Variants in RBFOX1 observed in about 807,000 individuals in gnomAD.
RBFOX1 encodes RNA binding protein fox-1 homolog 1.
In RBFOX1, 8 loss-of-function variants were observed where a neutral mutation model predicts 57.7. That is an observed-to-expected ratio of 0.14 (90% CI 0.08 to 0.25). The LOEUF (loss-of-function observed/expected upper bound fraction) is 0.25. Ranked by LOEUF, RBFOX1 falls within the 10% of genes least tolerant of loss-of-function variation. The probability of loss-of-function intolerance (pLI) is 1.00; values close to 1 mark genes in which losing one functional copy is unlikely to be tolerated. For missense variants in RBFOX1, 611 were observed against 548.5 expected, an observed-to-expected ratio of 1.11 and a Z score of -1.14; for synonymous variants, 326 against 222.4, an observed-to-expected ratio of 1.47 and a Z score of -4.15.
chr16:5,283,218 A>G (rs191740948), intron 1 of RBFOX1, among the ~76,000 whole-genome samples: 1 of 152,348 alleles, frequency 6.6e-6, no homozygotes, highest in African/African-American at 2.4e-5. Flanking sequence ...AAATGCCTAG[A>G]TGTCCAGGCA....
At chr16:6,851,815 G>C (rs1023427924) in intron 3 of RBFOX1, among the ~76,000 whole-genome samples, 1 of 152,156 alleles carries the variant, frequency 6.6e-6, no homozygotes, top group Non-Finnish European at 1.5e-5. Context: ...GGGCATCAAG[G>C]CGCAGACATG....
chr16:7,599,490 T>G (rs1001966244), intron 9 of RBFOX1, among the ~76,000 whole-genome samples: 8 of 152,278 alleles, frequency 5.3e-5, no homozygotes, highest in African/African-American at 1.9e-4. Flanking sequence ...CATTTATAAA[T>G]AACTAGCCTT....
chr16:7,374,889 C>T (rs1283116523), intron 4 of RBFOX1, among the ~76,000 whole-genome samples: 2 of 152,142 alleles, frequency 1.3e-5, no homozygotes, highest in Non-Finnish European at 2.9e-5. Context: ...GAAAGTGTCT[C>T]TTCCATGACC....
intron 3 of RBFOX1, among the ~76,000 whole-genome samples, chr16:6,775,464 GAAAA>G (rs139829829): frequency 6.7e-6 from 1 of 148,832 alleles, no homozygotes; most frequent in East Asian, 2.0e-4. Context: ...ATCCCAAAAA[GAAAA>G]AAAAATAGGT....
chr16:6,445,377 T>C (rs948314623), intron 2 of RBFOX1, among the ~76,000 whole-genome samples: 1 of 152,074 alleles, frequency 6.6e-6, no homozygotes, highest in African/African-American at 2.4e-5. Flanking sequence ...TGGTCAACTA[T>C]TGCCTTTATG....
intron 3 of RBFOX1, among the ~76,000 whole-genome samples, chr16:6,720,695 A>AGGGTGGTG (rs2065817446): frequency 6.6e-6 from 1 of 152,202 alleles, no homozygotes; most frequent in African/African-American, 2.4e-5. Flanking sequence ...TAGAGAGACC[A>AGGGTGGTG]GGGTGGTGGG....
At chr16:6,014,538 T>G (rs1237789525), upstream of RBFOX1, among the ~76,000 whole-genome samples, 1 of 152,146 alleles carries the variant, frequency 6.6e-6, no homozygotes, top group African/African-American at 2.4e-5. Flanking sequence ...TCAATAACTA[T>G]ATATTGAGTA....
chr16:6,814,903 A>G (rs562950416), intron 3 of RBFOX1, among the ~76,000 whole-genome samples: 107 of 152,292 alleles, frequency 7.0e-4, no homozygotes, highest in African/African-American at 2.5e-3. Context: ...GGGCGAGTCC[A>G]TAGAGTAAAA....
intron 3 of RBFOX1, among the ~76,000 whole-genome samples, chr16:6,714,817 C>T (rs939843435): frequency 4.6e-5 from 7 of 152,108 alleles, no homozygotes; most frequent in African/African-American, 1.4e-4. Flanking sequence ...TTCTTTGAAC[C>T]ACCTGTGCTA....
chr16:5,789,091 C>T (rs556049566), intron 3 of RBFOX1, among the ~76,000 whole-genome samples: 2 of 152,294 alleles, frequency 1.3e-5, no homozygotes, highest in Non-Finnish European at 2.9e-5. Context: ...CTCTCTCTCC[C>T]TCTTCCTCTC....
At chr16:5,753,909 C>G (rs866748548) in intron 3 of RBFOX1, among the ~76,000 whole-genome samples, 6 of 151,974 alleles carry the variant, frequency 3.9e-5, no homozygotes, top group Middle Eastern at 3.4e-3. Flanking sequence ...AAAGCAGGGA[C>G]AATACAGGAT....
rs184482775 is a variant in RBFOX1, at chr16:7,536,054, G to A, written c.270+17665G>A. Among the ~76,000 whole-genome samples the A allele has an allele frequency of 5.0e-4, 76 of 152,306 alleles. No homozygotes were observed. The East Asian group carries it at 0.014, about 27-fold the overall frequency. On this transcript the variant is annotated intron_variant, in intron 5 of 15. Coordinates refer to ENST00000550418, the MANE Select transcript of RBFOX1 (RefSeq NM_018723.4). ...ACACACACACGTCACTCACACAGTT[G>A]AATGCAGCCAGCCATCTGTATCCAC... is the stretch of plus-strand genomic sequence containing the variant.
intron 3 of RBFOX1, among the ~76,000 whole-genome samples, chr16:6,900,683 C>T (rs996779103): frequency 4.6e-5 from 7 of 152,316 alleles, no homozygotes; most frequent in East Asian, 1.9e-4. Context: ...ACTATTCATT[C>T]TTCTGGTCTC....
chr16:7,518,040 C>T, intron 4 of RBFOX1, 107 bp from the exon 5 acceptor site: 19 of 1,403,456 alleles, frequency 1.4e-5, no homozygotes, highest in Non-Finnish European at 1.8e-5. Flanking sequence ...CATGGTGACC[C>T]CTAGAAAGTA....
At chr16:6,642,071 G>A (rs555710211) in intron 2 of RBFOX1, among the ~76,000 whole-genome samples, 1 of 152,170 alleles carries the variant, frequency 6.6e-6, no homozygotes, top group Non-Finnish European at 1.5e-5. Flanking sequence ...TGAGGGTGCA[G>A]CTACGGAGAG....
chr16:7,291,695 C>A (rs2095778929), intron 4 of RBFOX1, among the ~76,000 whole-genome samples: 1 of 151,734 alleles, frequency 6.6e-6, no homozygotes, highest in South Asian at 2.1e-4. Flanking sequence ...CTGAGACATG[C>A]AGGAGGCTGT....
chr16:6,468,606 C>A (rs1334488890), intron 2 of RBFOX1, among the ~76,000 whole-genome samples: 1 of 151,118 alleles, frequency 6.6e-6, no homozygotes, highest in Non-Finnish European at 1.5e-5. Context: ...TTAAGTAGCC[C>A]TTAAATGACT....
chr16:5,934,573 CAAGTGTTTTAA>C (rs997574958), intron 4 of RBFOX1, among the ~76,000 whole-genome samples: 1 of 152,058 alleles, frequency 6.6e-6, no homozygotes, highest in Admixed American at 6.6e-5. Context: ...CAGATCCCGC[CAAGTGTTTTAA>C]AAGAGAAGAG....
At chr16:6,623,128 C>T (rs2098257001) in intron 2 of RBFOX1, among the ~76,000 whole-genome samples, 1 of 152,150 alleles carries the variant, frequency 6.6e-6, no homozygotes, top group Non-Finnish European at 1.5e-5. Context: ...TATGGGTGGA[C>T]TGGCACAGGC....
Sources: allele counts gnomAD v4.1 joint callset (sites outside exome capture counted in the v4.1 genomes callset), GRCh38; gene constraint gnomAD v4.1.1; transcripts MANE v1.5; gene names NCBI Gene and HGNC (gene_info 2026-07-23, HGNC 2026-07-21).